The following ETFA variants were observed in gnomAD, a reference collection of about 807,000 sequenced individuals.
ETFA encodes electron transfer flavoprotein subunit alpha, mitochondrial.
A neutral mutation model predicts 46.2 loss-of-function variants in ETFA; 22 were observed. That is an observed-to-expected ratio of 0.48 (90% CI 0.34 to 0.68). The LOEUF (loss-of-function observed/expected upper bound fraction) is 0.68, where lower values mean the gene tolerates loss of function less well. Among genes scored for constraint, ETFA ranks in the 30% least tolerant of loss-of-function variants. The pLI, the probability that ETFA is intolerant of heterozygous loss-of-function variation, is 0.01. For synonymous variants in ETFA, 131 were observed against 139.9 expected, an observed-to-expected ratio of 0.94 and a Z score of 0.45; for missense variants, 345 against 401.1, an observed-to-expected ratio of 0.86 and a Z score of 1.19.
At position 76,286,605 on chromosome 15, in the gene ETFA, C is replaced by G. The variant is rs1360178640; in HGVS notation, c.452-124G>C. 2.8e-5 allele frequency: 20 copies of G among 713,066 alleles called. No individual in the cohort carries two copies. The Middle Eastern group carries it at 9.9e-4, about 35-fold the overall frequency. The allele number at this position is 713,066 out of a possible 1,614,324, so 44.2% of individuals were successfully genotyped here. The stretch of plus-strand genomic sequence containing the variant: ...TAACTATTGACCAGTTGTCTTCTAA[C>G]TCTATTAAGTATAGGAAAAAATGAA... On this transcript the variant is annotated intron_variant, in intron 5 of 11. Coordinates refer to ENST00000557943, the MANE Select transcript of ETFA (RefSeq NM_000126.4).
At chr15:76,218,507 G>A (rs2142102589) in intron 11 of ETFA, among the ~76,000 whole-genome samples, 1 of 152,238 alleles carries the variant, frequency 6.6e-6, no homozygotes, top group South Asian at 2.1e-4. Flanking sequence ...CTGACCTCAG[G>A]TGATCCACCC....
At chr15:76,248,967 A>C (rs957487924) in intron 9 of ETFA, among the ~76,000 whole-genome samples, 1 of 152,076 alleles carries the variant, frequency 6.6e-6, no homozygotes, top group Non-Finnish European at 1.5e-5. Context: ...AAATATTCAA[A>C]GGGAAAAAAA....
intron 1 of ETFA, chr15:76,309,887 G>C (rs967216219): frequency 6.6e-6 from 1 of 152,308 alleles, no homozygotes; most frequent in East Asian, 1.9e-4. Flanking sequence ...GAACTCTTTA[G>C]GGGAGGGGAG....
chr15:76,250,620 T>A (rs532507766), intron 9 of ETFA, among the ~76,000 whole-genome samples: 1 of 152,118 alleles, frequency 6.6e-6, no homozygotes, highest in African/African-American at 2.4e-5. Flanking sequence ...GCAGCCTTGA[T>A]CTCCCTGGCT....
chr15:76,241,801 C>CAAAAA (rs1165964434), intron 9 of ETFA, among the ~76,000 whole-genome samples: 4 of 30,574 alleles, frequency 1.3e-4, no homozygotes, highest in Admixed American at 5.6e-4. Flanking sequence ...GACTCCATCT[C>CAAAAA]AAAAAAAAAA....
intron 9 of ETFA, chr15:76,259,964 T>A: frequency 1.4e-6 from 2 of 1,425,492 alleles, no homozygotes; most frequent in Non-Finnish European, 2.0e-6. Flanking sequence ...CCAACAAGTT[T>A]GGCCACATGT....
chr15:76,310,694 C>A (rs2141563572), intron 1 of ETFA, among the ~76,000 whole-genome samples: 1 of 152,312 alleles, frequency 6.6e-6, no homozygotes, highest in African/African-American at 2.4e-5. Context: ...AGCAGGTCAG[C>A]CTGAAGCATA....
At chr15:76,260,264 C>G in intron 9 of ETFA, 1 of 1,176,916 alleles carries the variant, frequency 8.5e-7, no homozygotes, top group Non-Finnish European at 1.3e-6. Flanking sequence ...GATTGAAGGA[C>G]CGGGCTGCCC....
intron 9 of ETFA, among the ~76,000 whole-genome samples, chr15:76,232,001 TAC>T (rs367863036): frequency 1.6e-3 from 243 of 149,012 alleles, no homozygotes; most frequent in African/African-American, 4.6e-3. Context: ...CACGTACACA[TAC>T]ACACACACAC....
At chr15:76,291,123 G>C (rs2039757348) in intron 4 of ETFA, among the ~76,000 whole-genome samples, 2 of 152,160 alleles carry the variant, frequency 1.3e-5, no homozygotes, top group Admixed American at 1.3e-4. Context: ...GGCTAGGATA[G>C]GAGGATCGTT....
In ETFA at chr15:76,290,333, CT is replaced by C. The variant is rs10682432; in HGVS notation, c.351+2097del. On this transcript the variant is annotated intron_variant, in intron 4 of 11. Transcript: ENST00000557943. ...AACATTATGAGCCAAAGTCGCTACT[CT>C]TTTTTTTTTTTTTTTTTTTTGAGAC... Among the ~76,000 whole-genome samples, 926 of 97,102 alleles carry C rather than the reference CT, an allele frequency of 9.5e-3. 9 individuals carry two copies. Among genetic ancestry groups the C allele is most frequent in the African/African-American group, 0.032 (824 of 25,808 alleles). The allele number at this position is 97,102 out of a possible 152,430, so 63.7% of individuals were successfully genotyped here. A position where few individuals can be genotyped will look rare whatever the true frequency, so the allele number is the denominator to read the frequency against.
At chr15:76,233,935 G>T (rs1198423462) in intron 9 of ETFA, among the ~76,000 whole-genome samples, 1 of 152,082 alleles carries the variant, frequency 6.6e-6, no homozygotes, top group East Asian at 1.9e-4. Flanking sequence ...TAAAAATGTT[G>T]ATTCACTCTG....
chr15:76,310,004 G>A (rs1389056504), intron 1 of ETFA: 2 of 149,546 alleles, frequency 1.3e-5, no homozygotes, highest in African/African-American at 5.0e-5. Flanking sequence ...GGCCGAGGCA[G>A]GTGGATCACT....
intron 8 of ETFA, among the ~76,000 whole-genome samples, chr15:76,282,542 C>T (rs548835047): frequency 6.6e-6 from 1 of 152,244 alleles, no homozygotes; most frequent in East Asian, 1.9e-4. Flanking sequence ...TTGATAAATA[C>T]TTGTTCAAAG....
rs745862907 is a variant in ETFA, at chr15:76,295,785, GGTT to G, written c.40-51_40-49del. On this transcript the variant is annotated intron_variant, in intron 1 of 11. Transcript: ENST00000557943. ...AAAAAGGTAAAGAATGTTGTCACAG[GGTT>G]TTTTTTTTTTTTTTTACTAATTGTT... The G allele has an allele frequency of 9.8e-6, 14 of 1,423,408 alleles. No homozygotes were observed. In the African/African-American group the frequency reaches 2.0e-4, roughly 20 times the overall value. The allele number at this position is 1,423,408 out of a possible 1,614,324, so 88.2% of individuals were successfully genotyped here.
intron 10 of ETFA, 33 bp from the exon 11 acceptor site, chr15:76,225,962 C>G: frequency 7.6e-7 from 1 of 1,315,196 alleles, no homozygotes; most frequent in Non-Finnish European, 1.1e-6. Flanking sequence ...TTGACTTTTA[C>G]CAAGAAAACA....
At position 76,274,477 on chromosome 15, in the gene ETFA, C is replaced by T; in HGVS notation, c.751G>A (p.Ala251Thr). The change falls in exon 9 of 12, where the codon GCT becomes ACT. Residue 251 changes from alanine to threonine, a missense_variant. By Grantham distance (58) the Ala-to-Thr change is moderately conservative (BLOSUM62 0). Coordinates refer to ENST00000557943, the MANE Select transcript of ETFA (RefSeq NM_000126.4). The stretch of plus-strand genomic sequence containing the variant: ...TTGGGAACAAAGCCAGCATCAACAG[C>T]AGCACGGGAAGCACCAACTAAGGGG... ...LHAAVGASRA[A>T]VDAGFVPNDM... 2 of 1,612,256 alleles carry T rather than the reference C, an allele frequency of 1.2e-6. No individual in the cohort carries two copies. The highest frequency in any genetic ancestry group is 1.7e-6 in the Non-Finnish European group (2 of 1,178,940).
In ETFA at chr15:76,286,379, G is replaced by A; in HGVS notation, c.554C>T (p.Ser185Leu). Reference protein sequence around the residue: ...AAATSGGSASSEKASSTSPVE... With the variant: ...AAATSGGSASLEKASSTSPVE... The stretch of plus-strand genomic sequence containing the variant: ...TCCAAATGAACACTCACCCTTTTCT[G>A]AACTGGCACTACCGCCACTTGTTGC... Residue 185 changes from serine (S) to leucine (L), a missense_variant, in exon 6 of 12, where the codon TCA (serine) becomes TTA (leucine). By Grantham distance (145) the Ser-to-Leu change is moderately radical. Coordinates refer to ENST00000557943, the MANE Select transcript of ETFA (RefSeq NM_000126.4). 1.9e-6 allele frequency: 3 copies of A among 1,604,300 alleles called. No individual in the cohort carries two copies. Among genetic ancestry groups the A allele is most frequent in the Non-Finnish European group, 2.6e-6 (3 of 1,171,114 alleles).
At position 76,225,536 on chromosome 15, in the gene ETFA, G is replaced by T. The variant is rs56233972; in HGVS notation, c.963+313C>A. ...GATCTCCTGACCTCATGATCCGCCC[G>T]CCTCCGCCTCCCAAAGTGCTGGGAT... On this transcript the variant is annotated intron_variant, in intron 11 of 11. Transcript: ENST00000557943. Among the ~76,000 whole-genome samples, 1,117 of 152,112 alleles carry T rather than the reference G, an allele frequency of 7.3e-3. 12 individuals are homozygous for T. Among genetic ancestry groups the T allele is most frequent in the Non-Finnish European group, 9.7e-3 (659 of 67,980 alleles).
Sources: allele counts gnomAD v4.1 joint callset (sites outside exome capture counted in the v4.1 genomes callset), GRCh38; gene constraint gnomAD v4.1.1; transcripts MANE v1.5; gene names NCBI Gene and HGNC (gene_info 2026-07-23, HGNC 2026-07-21).